The following RPA3 variants were observed in gnomAD, a reference collection of about 807,000 sequenced individuals.
The protein encoded by RPA3 is replication protein A3, also known as replication protein A 14 kDa subunit.
RPA3 carries 24 observed loss-of-function variants against 13.7 expected under a neutral mutation model. That is an observed-to-expected ratio of 1.75 (90% CI 1.27 to 2.46). The LOEUF is 2.46. Ranked by LOEUF, RPA3 falls within the 30% of genes most tolerant of loss-of-function variation. The pLI, the probability that RPA3 is intolerant of heterozygous loss-of-function variation, is 0.00. For missense variants in RPA3, 183 were observed against 151.0 expected, an observed-to-expected ratio of 1.21 and a Z score of -1.11; for synonymous variants, 59 against 51.2, an observed-to-expected ratio of 1.15 and a Z score of -0.65.
intron 4 of RPA3, among the ~76,000 whole-genome samples, chr7:7,642,558 G>A (rs775560302): frequency 1.3e-4 from 20 of 151,972 alleles, no homozygotes; most frequent in Non-Finnish European, 2.6e-4. Flanking sequence ...TTTAAGCAAA[G>A]GCTTTCTTTT....
At position 7,640,307 on chromosome 7, in the gene RPA3, C is replaced by G; in HGVS notation, c.99+13G>C. ...CTACGGACTTGGGAGCCCATGATTG[C>G]GAACCCGCACACCTTTTCCAGCCTC... On this transcript the variant is annotated intron_variant, in intron 5 of 7. Coordinates refer to ENST00000223129, the MANE Select transcript of RPA3 (RefSeq NM_002947.5). 1 of 1,613,664 alleles carries G rather than the reference C, an allele frequency of 6.2e-7. No individual in the cohort carries two copies. The highest frequency in any genetic ancestry group is 8.5e-7 in the Non-Finnish European group (1 of 1,179,702).
At chr7:7,714,197 A>G (rs1029460297) in intron 2 of RPA3, among the ~76,000 whole-genome samples, 21 of 152,234 alleles carry the variant, frequency 1.4e-4, no homozygotes, top group Admixed American at 3.9e-4. Context: ...TCTCAAAGAA[A>G]AGCATATCAG....
chr7:7,681,802 A>G (rs181910265), intron 4 of RPA3, among the ~76,000 whole-genome samples: 352 of 152,274 alleles, frequency 2.3e-3, no homozygotes, highest in African/African-American at 8.3e-3. Flanking sequence ...ATTATCTTTA[A>G]GTTGATTACA....
chr7:7,664,931 T>G (rs1452217685), intron 4 of RPA3, among the ~76,000 whole-genome samples: 1 of 152,196 alleles, frequency 6.6e-6, no homozygotes, highest in Non-Finnish European at 1.5e-5. Context: ...CGTTCAGGAT[T>G]TTAATTTTTC....
intron 4 of RPA3, among the ~76,000 whole-genome samples, chr7:7,669,981 A>G (rs999252520): frequency 5.9e-5 from 9 of 152,194 alleles, no homozygotes; most frequent in African/African-American, 2.2e-4. Context: ...GTGACAGATT[A>G]TAATGTTATG....
At chr7:7,694,260 A>T (rs1250696063) in intron 2 of RPA3, among the ~76,000 whole-genome samples, 1 of 152,160 alleles carries the variant, frequency 6.6e-6, no homozygotes, top group East Asian at 1.9e-4. Context: ...AGTATATAGT[A>T]GGTATATATA....
At chr7:7,677,291 A>C (rs960481709) in intron 4 of RPA3, among the ~76,000 whole-genome samples, 2 of 152,168 alleles carry the variant, frequency 1.3e-5, no homozygotes, top group African/African-American at 4.8e-5. Context: ...AATATACAAT[A>C]AATTATTGTT....
rs372453524 is a variant in RPA3 at position 7,678,681 on chromosome 7, A to G, written c.-758+7149T>C. Among the ~76,000 whole-genome samples, 225 of 55,928 alleles carry G rather than the reference A, an allele frequency of 4.0e-3. 1 individual carries two copies. The highest frequency in any genetic ancestry group is 6.3e-3 in the Non-Finnish European group (185 of 29,324). The allele number at this position is 55,928 out of a possible 152,430, so 36.7% of individuals were successfully genotyped here. On this transcript the variant is annotated intron_variant, in intron 4 of 7. Coordinates refer to ENST00000223129, the MANE Select transcript of RPA3 (RefSeq NM_002947.5). The stretch of plus-strand genomic sequence containing the variant: ...ATTTAGTTTATAAATATATATTTAT[A>G]TATTTAGTTTATAAATATATATTTA...
intron 4 of RPA3, among the ~76,000 whole-genome samples, chr7:7,642,072 A>G (rs1679017821): frequency 6.6e-6 from 1 of 152,210 alleles, no homozygotes; most frequent in African/African-American, 2.4e-5. Flanking sequence ...TTTGTACTTT[A>G]GCATTGTTTT....
At chr7:7,691,368 TAAAC>T (rs1780168602) in intron 2 of RPA3, among the ~76,000 whole-genome samples, 2 of 152,222 alleles carry the variant, frequency 1.3e-5, no homozygotes, top group South Asian at 2.1e-4. Flanking sequence ...TCAATTAAAA[TAAAC>T]CAAACATTAA....
intron 1 of RPA3, among the ~76,000 whole-genome samples, chr7:7,716,291 A>C (rs1215921642): frequency 6.6e-6 from 1 of 152,220 alleles, no homozygotes; most frequent in Non-Finnish European, 1.5e-5. Context: ...GCCAAGAAAA[A>C]TTGTATTTAT....
chr7:7,680,101 C>G (rs967571495), intron 4 of RPA3, among the ~76,000 whole-genome samples: 3 of 152,038 alleles, frequency 2.0e-5, no homozygotes, highest in African/African-American at 4.8e-5. Flanking sequence ...GGGTATTACT[C>G]AAGAAATCTT....
chr7:7,688,645 T>G lies in RPA3; in HGVS notation c.-1027-1317A>C, dbSNP rs147376516. On this transcript the variant is annotated intron_variant, in intron 2 of 7. Transcript: ENST00000223129. ...GTAAATCTTCTATCATTTATTTGCT[T>G]CTTAATCACATGGTATTTTGTAGCA... Among the ~76,000 whole-genome samples, 133 of 152,322 alleles carry G rather than the reference T, an allele frequency of 8.7e-4. 1 individual carries two copies. The highest frequency in any genetic ancestry group is 3.0e-3 in the African/African-American group (125 of 41,576).
At chr7:7,645,466 C>G (rs1785072362) in intron 4 of RPA3, among the ~76,000 whole-genome samples, 1 of 152,174 alleles carries the variant, frequency 6.6e-6, no homozygotes, top group Non-Finnish European at 1.5e-5. Context: ...ATGGTTATCT[C>G]ATAGGCCAGG....
intron 4 of RPA3, among the ~76,000 whole-genome samples, chr7:7,683,234 C>T (rs1428558063): frequency 2.0e-5 from 3 of 152,118 alleles, no homozygotes; most frequent in Non-Finnish European, 4.4e-5. Flanking sequence ...GTGATTCTAA[C>T]CCTTCTGTGC....
chr7:7,671,070 T>C (rs1779593400), intron 4 of RPA3, among the ~76,000 whole-genome samples: 1 of 152,222 alleles, frequency 6.6e-6, no homozygotes. Flanking sequence ...GCTTCTTATC[T>C]GTAGAAAATT....
intron 4 of RPA3, among the ~76,000 whole-genome samples, chr7:7,647,470 G>T (rs999686541): frequency 1.3e-5 from 2 of 152,202 alleles, no homozygotes; most frequent in Non-Finnish European, 2.9e-5. Context: ...GTTGGATCCA[G>T]TGTGTAAATT....
chr7:7,657,196 T>A (rs1785364377), intron 4 of RPA3, among the ~76,000 whole-genome samples: 1 of 152,250 alleles, frequency 6.6e-6, no homozygotes, highest in African/African-American at 2.4e-5. Flanking sequence ...AAATTCTTTC[T>A]AGAGTCTGGG....
At chr7:7,672,579 C>T (rs1779633851) in intron 4 of RPA3, among the ~76,000 whole-genome samples, 1 of 152,110 alleles carries the variant, frequency 6.6e-6, no homozygotes, top group Admixed American at 6.6e-5. Flanking sequence ...TCATGGGAGC[C>T]ATTTCATGTT....
Sources: gnomAD v4.1 joint callset for allele counts (sites outside exome capture counted in the v4.1 genomes callset) on GRCh38, gnomAD v4.1.1 for gene constraint, MANE v1.5 for transcripts, NCBI Gene and HGNC (gene_info 2026-07-23, HGNC 2026-07-21) for gene names.